The following PRSS23 variants were observed in gnomAD, a reference collection of about 807,000 sequenced individuals.
PRSS23 encodes serine protease 23, also known as protease, serine 23.
Under a neutral mutation model 34.7 loss-of-function variants are expected in PRSS23, and 25 were observed. The observed-to-expected ratio is 0.72, with a 90% CI of 0.53 to 1.01. The LOEUF is 1.01. Among genes scored for constraint, PRSS23 ranks in the 50% least tolerant of loss-of-function variants. The pLI is 0.00. For synonymous variants in PRSS23, 176 were observed against 186.6 expected, an observed-to-expected ratio of 0.94 and a Z score of 0.46; for missense variants, 445 against 475.6, an observed-to-expected ratio of 0.94 and a Z score of 0.60.
intron 2 of PRSS23, chr11:86,836,850 T>C (rs1948409746): frequency 6.6e-6 from 1 of 152,264 alleles, no homozygotes; most frequent in South Asian, 2.1e-4. Context: ...GAAAAGAGGA[T>C]TGAAAAATAG....
At chr11:86,828,396 A>G (rs180898310) in intron 2 of PRSS23, among the ~76,000 whole-genome samples, 54,270 of 151,880 alleles carry the variant, frequency 0.36, 10,090 homozygotes, top group East Asian at 0.47. Flanking sequence ...GTCTCTGCAC[A>G]TGAGATGGGT....
chr11:86,803,928 C>A lies in PRSS23; in HGVS notation c.-14+3277C>A, dbSNP rs573929804. On this transcript the variant is annotated intron_variant, in intron 1 of 1. Coordinates refer to ENST00000280258, the MANE Select transcript of PRSS23 (RefSeq NM_007173.6). ...CATTTTCCTTTTCCTTTTCCTTTCC[C>A]CCTCCTTTGCCTCCACCCTCCATAA... 9.2e-5 allele frequency among the ~76,000 whole-genome samples: 14 copies of A among 152,246 alleles called. No individual in the cohort carries two copies. The East Asian group carries it at 2.7e-3, about 29-fold the overall frequency.
At chr11:86,829,944 G>A (rs1590882949) in intron 2 of PRSS23, among the ~76,000 whole-genome samples, 1 of 152,234 alleles carries the variant, frequency 6.6e-6, no homozygotes, top group Admixed American at 6.5e-5. Flanking sequence ...CAGGGGTCAG[G>A]GACCCACTTG....
At chr11:86,823,610 T>C (rs371479731) in intron 2 of PRSS23, 4 of 702,522 alleles carry the variant, frequency 5.7e-6, no homozygotes, top group Non-Finnish European at 1.0e-5. Flanking sequence ...TCATATCAGA[T>C]TATCACAAAG....
intron 2 of PRSS23, among the ~76,000 whole-genome samples, chr11:86,930,772 A>C (rs1417152918): frequency 7.5e-6 from 1 of 133,832 alleles, no homozygotes; most frequent in Non-Finnish European, 1.7e-5. Flanking sequence ...CCTGGGCGAC[A>C]GAGCGAGACT....
chr11:86,932,474 T>C (rs778712313), intron 2 of PRSS23, among the ~76,000 whole-genome samples: 7 of 152,092 alleles, frequency 4.6e-5, no homozygotes, highest in Non-Finnish European at 8.8e-5. Context: ...GGGAAATACA[T>C]GGGGGCTGCT....
At chr11:86,902,969 T>C (rs549247500) in intron 2 of PRSS23, among the ~76,000 whole-genome samples, 47 of 152,234 alleles carry the variant, frequency 3.1e-4, no homozygotes, top group African/African-American at 1.1e-3. Flanking sequence ...CTCCAAAATA[T>C]GAAAAATAAC....
upstream of PRSS23, among the ~76,000 whole-genome samples, chr11:86,799,255 TAAAAG>T (rs141802149): frequency 8.0e-3 from 1,225 of 152,236 alleles, 34 homozygotes; most frequent in East Asian, 0.037. Context: ...GAAAATAAAA[TAAAAG>T]AAAAGACCAC....
At chr11:86,821,523 C>T (rs1232701994) in intron 1 of PRSS23, 2 of 1,611,102 alleles carry the variant, frequency 1.2e-6, no homozygotes, top group Non-Finnish European at 1.7e-6. Context: ...TGTTCAGTTG[C>T]TGTCATTTGA....
At chr11:86,832,597 G>A (rs1948367205) in intron 2 of PRSS23, 1 of 491,136 alleles carries the variant, frequency 2.0e-6, no homozygotes, top group South Asian at 1.5e-5. Context: ...AGATGAAGGG[G>A]TTCAGCATGG....
intron 1 of PRSS23, among the ~76,000 whole-genome samples, chr11:86,821,972 T>C (rs1476532817): frequency 6.6e-6 from 1 of 152,186 alleles, no homozygotes; most frequent in Non-Finnish European, 1.5e-5. Context: ...GAAATAAAGA[T>C]GAATACAGAA....
At chr11:86,888,116 T>TA (rs1565377628) in intron 2 of PRSS23, among the ~76,000 whole-genome samples, 168 of 100,216 alleles carry the variant, frequency 1.7e-3, no homozygotes, top group African/African-American at 2.6e-3. Context: ...TTGGTTTTTT[T>TA]TAAAAAAAAA....
chr11:86,868,963 C>T (rs572497999), intron 2 of PRSS23, among the ~76,000 whole-genome samples: 5 of 152,232 alleles, frequency 3.3e-5, no homozygotes, highest in Non-Finnish European at 5.9e-5. Context: ...AGACTTGCAC[C>T]ACCATGCCCA....
In PRSS23 at chr11:86,808,358, A is replaced by G. The variant is rs748058850; in HGVS notation, c.715A>G (p.Asn239Asp). ...CAAGGGTTGGATCAAGGGCAATGCCAATGACATCGGCATGGATTATGATTA... is the reference window on the plus strand; with the variant it reads ...CAAGGGTTGGATCAAGGGCAATGCCGATGACATCGGCATGGATTATGATTA... ...VPKGWIKGNANDIGMDYDYAL... is the reference protein window; with the variant it reads ...VPKGWIKGNADDIGMDYDYAL... The change falls in exon 2 of 2, where the codon AAT becomes GAT. Residue 239 changes from asparagine (N) to aspartate (D), a missense_variant. Transcript: ENST00000280258. The G allele has an allele frequency of 9.9e-6, 16 of 1,614,088 alleles. No individual in the cohort carries two copies. The South Asian group carries it at 1.6e-4, about 17-fold the overall frequency.
At chr11:86,803,255 A>G (rs1590868057) in intron 1 of PRSS23, among the ~76,000 whole-genome samples, 1 of 152,216 alleles carries the variant, frequency 6.6e-6, no homozygotes, top group Non-Finnish European at 1.5e-5. Context: ...TCCATTTTTA[A>G]GGTGTGAGTC....
At position 86,879,546 on chromosome 11, in the gene PRSS23, T is replaced by TG. The variant is rs1175475285; in HGVS notation, c.206+55960dup. Among the ~76,000 whole-genome samples the TG allele has an allele frequency of 2.6e-3, 267 of 103,480 alleles. 1 individual carries two copies. The highest frequency in any genetic ancestry group is 0.01 in the African/African-American group (251 of 25,030). The allele number at this position is 103,480 out of a possible 152,430, so 67.9% of individuals were successfully genotyped here. A position where few individuals can be genotyped will look rare whatever the true frequency, so the allele number is the denominator to read the frequency against. ...CCAGCCGCCCCGTCCGGGAGGGAGG[T>TG]GGGGGGGTCAGCCCCCCGCCCGGCC... On this transcript the variant is annotated intron_variant, in intron 2 of 2. Transcript: ENST00000533902.
chr11:86,801,775 A>T (rs1185882913), intron 1 of PRSS23, among the ~76,000 whole-genome samples: 1 of 152,184 alleles, frequency 6.6e-6, no homozygotes, highest in East Asian at 1.9e-4. Context: ...ATTGGAGGTG[A>T]AGTGGGGAGA....
intron 2 of PRSS23, among the ~76,000 whole-genome samples, chr11:86,907,233 G>A (rs898562506): frequency 3.9e-5 from 6 of 152,180 alleles, no homozygotes; most frequent in African/African-American, 1.2e-4. Context: ...GATGGATAAT[G>A]TTGGACATAT....
At position 86,808,516 on chromosome 11, in the gene PRSS23, G is replaced by T. The variant is rs141531516; in HGVS notation, c.873G>T (p.Val291=). 3.1e-6 allele frequency: 5 copies of T among 1,614,238 alleles called. No individual in the cohort carries two copies. The highest frequency in any genetic ancestry group is 2.5e-6 in the Non-Finnish European group (3 of 1,180,032). Residue 291 remains valine, a synonymous_variant, in exon 2 of 2, where the codon GTG becomes GTT. Coordinates refer to ENST00000280258, the MANE Select transcript of PRSS23 (RefSeq NM_007173.6). ...ACAATGACCGACCAGGCAATTTGGT[G>T]TATCGCTTCTGTGACGTCAAAGACG... ...GYDNDRPGNL[V]YRFCDVKDET...
Sources: gnomAD v4.1 joint callset for allele counts (sites outside exome capture counted in the v4.1 genomes callset) on GRCh38, gnomAD v4.1.1 for gene constraint, MANE v1.5 for transcripts, NCBI Gene and HGNC (gene_info 2026-07-23, HGNC 2026-07-21) for gene names.